The following ABAT variants were observed in gnomAD, a reference collection of about 807,000 sequenced individuals.
ABAT encodes 4-aminobutyrate aminotransferase.
A neutral mutation model predicts 64.6 loss-of-function variants in ABAT; 45 were observed. The observed-to-expected ratio is 0.70, with a 90% confidence interval of 0.55 to 0.89. ABAT has a LOEUF of 0.89. Ranked by LOEUF, ABAT falls within the 40% of genes least tolerant of loss-of-function variation. ABAT has a pLI of 0.00. For missense variants in ABAT, 633 were observed against 658.4 expected (o/e 0.96, Z 0.42); for synonymous variants, 297 against 250.5 (o/e 1.19, Z -1.75).
At chr16:8,758,845 C>T (rs2059717183) in intron 6 of ABAT, among the ~76,000 whole-genome samples, 1 of 152,148 alleles carries the variant, frequency 6.6e-6, no homozygotes, top group South Asian at 2.1e-4. Flanking sequence ...CGCCTGTAAT[C>T]CCAGCACTTT....
intron 1 of ABAT, among the ~76,000 whole-genome samples, chr16:8,701,806 G>A (rs1159438360): frequency 6.6e-6 from 1 of 152,196 alleles, no homozygotes; most frequent in East Asian, 1.9e-4. Context: ...CAGGGCGGGA[G>A]CCCCTGGCTC....
rs552219873 is a variant in ABAT, at chr16:8,764,939, C to T, written c.540+109C>T. On this transcript the variant is annotated intron_variant, in intron 8 of 15. Coordinates refer to ENST00000268251, the MANE Select transcript of ABAT (RefSeq NM_020686.6). The surrounding 1 kb of genome is among the most constrained non-coding windows in gnomAD (Gnocchi z 4.2). ...TCCAATGGGCTGGAGTATTAGACAT[C>T]AGTACCAGGGTTAAAATACAGGGAG... The T allele has an allele frequency of 2.2e-5, 23 of 1,030,994 alleles. No individual in the cohort carries two copies. The Middle Eastern group carries it at 6.0e-4, about 27-fold the overall frequency. The allele number at this position is 1,030,994 out of a possible 1,614,324, so 63.9% of individuals were successfully genotyped here. A position where few individuals can be genotyped will look rare whatever the true frequency, so the allele number is the denominator to read the frequency against.
intron 1 of ABAT, among the ~76,000 whole-genome samples, chr16:8,706,443 G>A (rs931394160): frequency 2.0e-5 from 3 of 149,998 alleles, no homozygotes; most frequent in African/African-American, 7.3e-5. Flanking sequence ...AGGCATGATG[G>A]CTCATCATGC....
Position 8,778,619 on chromosome 16 carries a change from CA to C in ABAT, c.1270-852del, listed in dbSNP as rs925885705. ...GTGAAACCAGTTTCTACTAAAACTACAAAAAAAAGTTAGCCAGGTGTGATGG... is the reference window on the plus strand; with the variant it reads ...GTGAAACCAGTTTCTACTAAAACTACAAAAAAAGTTAGCCAGGTGTGATGG... On this transcript the variant is annotated intron_variant, in intron 14 of 15. Transcript: ENST00000268251. Among the ~76,000 whole-genome samples the C allele has an allele frequency of 4.6e-5, 7 of 151,620 alleles. No homozygotes were observed. In the East Asian group the frequency reaches 1.4e-3, roughly 29 times the overall value.
At chr16:8,738,379 A>G (rs1198868916) in intron 2 of ABAT, 2 of 455,498 alleles carry the variant, frequency 4.4e-6, no homozygotes, top group Non-Finnish European at 4.4e-6. Context: ...GTTACCATTA[A>G]CCAAACTCCA....
intron 1 of ABAT, chr16:8,721,063 C>A (rs894331015): frequency 1.3e-5 from 2 of 152,140 alleles, no homozygotes; most frequent in East Asian, 1.9e-4. Flanking sequence ...CAAAATAGTT[C>A]CAATTGCTAT....
In ABAT at chr16:8,781,259, C is replaced by A; in HGVS notation, c.1382-50C>A. 6.2e-7 allele frequency: 1 copy of A among 1,613,180 alleles called. No individual in the cohort carries two copies. The highest frequency in any genetic ancestry group is 8.5e-7 in the Non-Finnish European group (1 of 1,179,774). ...ATCACTTTCCCCCCAGCTCTCCCAG[C>A]ATGTGACTTTGAGAAACCACGCTCC... On this transcript the variant is annotated intron_variant, in intron 15 of 15. Coordinates refer to ENST00000268251, the MANE Select transcript of ABAT (RefSeq NM_020686.6). The surrounding 1 kb of genome is among the most constrained non-coding windows in gnomAD (Gnocchi z 4.5).
intron 1 of ABAT, among the ~76,000 whole-genome samples, chr16:8,719,919 C>G (rs1326731595): frequency 1.3e-5 from 2 of 152,220 alleles, no homozygotes; most frequent in African/African-American, 2.4e-5. Flanking sequence ...TTAAGCAATT[C>G]TCCTGCCTCA....
At position 8,774,947 on chromosome 16, in the gene ABAT, T is replaced by A; in HGVS notation, c.1012T>A (p.Phe338Ile). ...GACCGGAGGAGGCTGCACGGGCAAG[T>A]TCTGGGCCCATGAGCACTGGGGCCT... is the stretch of plus-strand genomic sequence containing the variant. ...VQTGGGCTGK[F>I]WAHEHWGLDD... Residue 338 changes from phenylalanine to isoleucine, a missense_variant, in exon 13 of 16, where the codon TTC becomes ATC. Coordinates refer to ENST00000268251, the MANE Select transcript of ABAT (RefSeq NM_020686.6). 1 of 1,614,192 alleles carries A rather than the reference T, an allele frequency of 6.2e-7. No individual in the cohort carries two copies. The highest frequency in any genetic ancestry group is 8.5e-7 in the Non-Finnish European group (1 of 1,180,030).
intron 1 of ABAT, among the ~76,000 whole-genome samples, chr16:8,679,526 C>CA (rs35069718): frequency 0.63 from 84,745 of 133,562 alleles, 26,818 homozygotes; most frequent in Middle Eastern, 0.76. Context: ...ACATGAAAGC[C>CA]AAAAAAAAAA....
intron 6 of ABAT, among the ~76,000 whole-genome samples, chr16:8,761,143 G>A (rs911824753): frequency 6.6e-6 from 1 of 151,990 alleles, no homozygotes; most frequent in East Asian, 1.9e-4. Context: ...TGATTTCAGG[G>A]ACAGTACTAC....
chr16:8,735,132 C>T (rs1180986623), intron 1 of ABAT, among the ~76,000 whole-genome samples: 1 of 148,194 alleles, frequency 6.7e-6, no homozygotes, highest in Non-Finnish European at 1.5e-5. Context: ...CGAGATCGAG[C>T]CACTGCACTC....
chr16:8,764,606 G>C lies in ABAT; in HGVS notation c.448-132G>C. 1 of 896,420 alleles carries C rather than the reference G, an allele frequency of 1.1e-6. No individual in the cohort carries two copies. Among genetic ancestry groups the C allele is most frequent in the Non-Finnish European group, 1.8e-6 (1 of 554,168 alleles). 55.5% of individuals were successfully genotyped at this position (896,420 alleles called of 1,614,324 possible). ...AAGCCTGAGCCCACCCTCCCAGTCCGACACCTTCCAGGACAGCCCTGGTTC... is the reference window on the plus strand; with the variant it reads ...AAGCCTGAGCCCACCCTCCCAGTCCCACACCTTCCAGGACAGCCCTGGTTC... On this transcript the variant is annotated intron_variant, in intron 7 of 15. Coordinates refer to ENST00000268251, the MANE Select transcript of ABAT (RefSeq NM_020686.6). The surrounding 1 kb of genome is among the most constrained non-coding windows in gnomAD (Gnocchi z 4.2).
At chr16:8,761,076 T>TGAAAC (rs1555491391) in intron 6 of ABAT, among the ~76,000 whole-genome samples, 1 of 151,370 alleles carries the variant, frequency 6.6e-6, no homozygotes, top group Admixed American at 6.6e-5. Context: ...ACCTTGCCTC[T>TGAAAC]GAAACAAAAC....
At chr16:8,703,163 A>G (rs1210450309) in intron 1 of ABAT, among the ~76,000 whole-genome samples, 3 of 152,008 alleles carry the variant, frequency 2.0e-5, no homozygotes, top group Non-Finnish European at 2.9e-5. Flanking sequence ...ACTGCTGTTA[A>G]GGGCCGGGTG....
intron 1 of ABAT, among the ~76,000 whole-genome samples, chr16:8,712,473 TA>T (rs948816387): frequency 6.6e-6 from 1 of 152,190 alleles, no homozygotes; most frequent in Non-Finnish European, 1.5e-5. Flanking sequence ...GAAAGTTTCA[TA>T]AAAAATCATG....
intron 1 of ABAT, among the ~76,000 whole-genome samples, chr16:8,710,980 T>C (rs1307868689): frequency 6.6e-6 from 1 of 152,238 alleles, no homozygotes; most frequent in Admixed American, 6.5e-5. Context: ...GCATTCTTTT[T>C]GTTGAATGCA....
intron 8 of ABAT, 178 bp from the exon 9 acceptor site, chr16:8,766,030 T>A: frequency 1.6e-6 from 1 of 628,394 alleles, no homozygotes; most frequent in Non-Finnish European, 2.9e-6. Flanking sequence ...GTTTCTTTTG[T>A]TGCGAGCACA....
chr16:8,761,549 C>T (rs762594320), intron 6 of ABAT, among the ~76,000 whole-genome samples: 1 of 152,226 alleles, frequency 6.6e-6, no homozygotes, highest in African/African-American at 2.4e-5. Flanking sequence ...GGTGAATCCA[C>T]GTTCTCCGTC....
Sources: allele counts gnomAD v4.1 joint callset (sites outside exome capture counted in the v4.1 genomes callset), GRCh38; gene constraint gnomAD v4.1.1; non-coding constraint Gnocchi (gnomAD v3.1); transcripts MANE v1.5; gene names NCBI Gene and HGNC (gene_info 2026-07-23, HGNC 2026-07-21).